The following PCDHA3 variants were observed in gnomAD, a reference collection of about 807,000 sequenced individuals.
The protein encoded by PCDHA3 is protocadherin alpha 3, also known as protocadherin alpha-3.
In PCDHA3, 41 loss-of-function variants were observed where a neutral mutation model predicts 62.2. That is an observed-to-expected ratio of 0.66 (90% CI 0.51 to 0.86). PCDHA3 has a LOEUF of 0.86. Among genes scored for constraint, PCDHA3 ranks in the 40% least tolerant of loss-of-function variants. The probability of loss-of-function intolerance (pLI) is 0.00; values close to 1 mark genes in which losing one functional copy is unlikely to be tolerated. For synonymous variants in PCDHA3, 640 were observed against 555.4 expected (o/e 1.15, Z -2.14); for missense variants, 1,304 against 1,241.2 (o/e 1.05, Z -0.76).
rs1335716065 is a variant in PCDHA3 at position 140,875,555 on chromosome 5, G to A, written c.2394+71964G>A. On this transcript the variant is annotated intron_variant, in intron 1 of 3. Coordinates refer to ENST00000522353, the MANE Select transcript of PCDHA3 (RefSeq NM_018906.3). ...CTCCTTGCAGCCTGGGAGGTGGGGA[G>A]CGGCCAGCTCCACTACTCCGTCTAC... is the stretch of plus-strand genomic sequence containing the variant. 5 of 1,614,018 alleles carry A rather than the reference G, an allele frequency of 3.1e-6. No individual in the cohort carries two copies. In the East Asian group the frequency reaches 6.7e-5, roughly 22 times the overall value.
chr5:140,848,256 A>T, intron 1 of PCDHA3: 1 of 476,798 alleles, frequency 2.1e-6, no homozygotes, highest in Admixed American at 3.8e-5. Context: ...ATAACTGTGA[A>T]ATTTTTATTC....
chr5:140,836,723 A>G (rs1318584018), intron 1 of PCDHA3: 35 of 1,612,196 alleles, frequency 2.2e-5, no homozygotes, highest in Non-Finnish European at 2.9e-5. Flanking sequence ...CTCAGGGTCC[A>G]TCCTCTACAG....
In PCDHA3 at chr5:140,844,228, G is replaced by A. The variant is rs1179181710; in HGVS notation, c.2394+40637G>A. The stretch of plus-strand genomic sequence containing the variant: ...TCTGGTAGTCACAAATATCTTTGGT[G>A]TTTCACTATTGCCGTTTTAAGCAGT... On this transcript the variant is annotated intron_variant, in intron 1 of 3. Transcript: ENST00000522353. Among the ~76,000 whole-genome samples the A allele has an allele frequency of 2.0e-5, 3 of 149,332 alleles. 1 individual carries two copies. Among genetic ancestry groups the A allele is most frequent in the Non-Finnish European group, 3.0e-5 (2 of 66,778 alleles).
chr5:140,841,535 C>A (rs146057065), intron 1 of PCDHA3: 5 of 1,613,548 alleles, frequency 3.1e-6, no homozygotes, highest in African/African-American at 1.3e-5. Flanking sequence ...CAAAAGACAC[C>A]GGGACCTTCT....
chr5:140,883,915 G>A, intron 1 of PCDHA3: 1 of 1,613,348 alleles, frequency 6.2e-7, no homozygotes, highest in Non-Finnish European at 8.5e-7. Context: ...GCAGCAACGT[G>A]ACGCTGCAGG....
chr5:140,811,002 TTTC>T (rs1554125632), intron 1 of PCDHA3: 1 of 152,192 alleles, frequency 6.6e-6, no homozygotes, highest in African/African-American at 2.4e-5. Context: ...TTTATTTTTA[TTTC>T]TTCTTATTAT....
At chr5:140,836,762 C>T (rs2150269461) in intron 1 of PCDHA3, 3 of 1,567,656 alleles carry the variant, frequency 1.9e-6, no homozygotes, top group Non-Finnish European at 2.6e-6. Context: ...AATCTTGTTT[C>T]CAACAATTTT....
At chr5:140,851,299 T>C (rs2042017269) in intron 1 of PCDHA3, 2 of 1,019,562 alleles carry the variant, frequency 2.0e-6, no homozygotes, top group East Asian at 1.2e-4. Flanking sequence ...AGCAAAAATA[T>C]ATAGCAATTG....
chr5:140,891,044 CA>C (rs1406159323), intron 1 of PCDHA3, among the ~76,000 whole-genome samples: 9 of 152,030 alleles, frequency 5.9e-5, no homozygotes, highest in African/African-American at 2.2e-4. Flanking sequence ...GTGTGACCCC[CA>C]CAGCACATAG....
At chr5:140,922,023 T>C (rs1333266712) in intron 1 of PCDHA3, among the ~76,000 whole-genome samples, 3 of 152,086 alleles carry the variant, frequency 2.0e-5, no homozygotes, top group African/African-American at 7.2e-5. Context: ...AAAATAAATA[T>C]AAAAAATGTA....
intron 1 of PCDHA3, chr5:140,850,158 G>C: frequency 6.3e-7 from 1 of 1,595,230 alleles, no homozygotes; most frequent in Non-Finnish European, 8.6e-7. Flanking sequence ...GCAGGTGTTC[G>C]TGCTGGACGA....
chr5:140,955,796 A>G (rs1432865248), intron 1 of PCDHA3, among the ~76,000 whole-genome samples: 3 of 152,004 alleles, frequency 2.0e-5, no homozygotes, highest in Non-Finnish European at 4.4e-5. Context: ...ATGTTTTTCT[A>G]TTTGTTTGTG....
chr5:140,896,280 G>A (rs940722689), intron 1 of PCDHA3, among the ~76,000 whole-genome samples: 1 of 152,206 alleles, frequency 6.6e-6, no homozygotes, highest in South Asian at 2.1e-4. Flanking sequence ...TTGCTGGCTT[G>A]AATGGTAAGT....
intron 1 of PCDHA3, among the ~76,000 whole-genome samples, chr5:140,941,183 T>C (rs2092749314): frequency 8.3e-6 from 1 of 120,094 alleles, no homozygotes; most frequent in African/African-American, 3.0e-5. Flanking sequence ...AACATCCTGC[T>C]TCTTTTTTTT....
intron 1 of PCDHA3, chr5:140,858,429 C>G (rs1554151596): frequency 6.5e-7 from 1 of 1,548,730 alleles, no homozygotes; most frequent in African/African-American, 1.4e-5. Flanking sequence ...GGGGACCACT[C>G]TAGGAAGGTG....
intron 1 of PCDHA3, among the ~76,000 whole-genome samples, chr5:140,893,651 A>G (rs1422431076): frequency 6.6e-6 from 1 of 152,106 alleles, no homozygotes; most frequent in Non-Finnish European, 1.5e-5. Context: ...TTTGGCTGAT[A>G]GTTTTAAAAA....
chr5:140,905,963 G>A (rs182775194), intron 1 of PCDHA3, among the ~76,000 whole-genome samples: 9 of 152,308 alleles, frequency 5.9e-5, no homozygotes, highest in Admixed American at 5.9e-4. Flanking sequence ...TCAAGGGGAG[G>A]AAGATCCAGC....
chr5:140,968,574 T>A (rs2096256536), intron 1 of PCDHA3: 1 of 1,614,218 alleles, frequency 6.2e-7, no homozygotes, highest in Non-Finnish European at 8.5e-7. Flanking sequence ...GCTGGCTACC[T>A]GGTCACCAAA....
At chr5:140,841,206 G>A (rs1278287433) in intron 1 of PCDHA3, 13 of 1,350,372 alleles carry the variant, frequency 9.6e-6, no homozygotes, top group Admixed American at 2.4e-5. Flanking sequence ...GACAGCATCT[G>A]TCTCTAAAGG....
Sources: gnomAD v4.1 joint callset for allele counts (sites outside exome capture counted in the v4.1 genomes callset) on GRCh38, gnomAD v4.1.1 for gene constraint, MANE v1.5 for transcripts, NCBI Gene and HGNC (gene_info 2026-07-23, HGNC 2026-07-21) for gene names.